The following KCNIP4 variants were observed in gnomAD, a reference collection of about 807,000 sequenced individuals.
KCNIP4 encodes potassium voltage-gated channel interacting protein 4.
KCNIP4 carries 12 observed loss-of-function variants against 34.0 expected under a neutral mutation model. That is an observed-to-expected ratio of 0.35 (90% CI 0.23 to 0.57). The LOEUF (loss-of-function observed/expected upper bound fraction) is 0.57, where lower values mean the gene tolerates loss of function less well. KCNIP4 is among the 20% of genes least tolerant of loss of function. The probability of loss-of-function intolerance (pLI) is 0.83; values close to 1 mark genes in which losing one functional copy is unlikely to be tolerated. For missense variants in KCNIP4, 238 were observed against 311.7 expected (o/e 0.76, Z 1.78); for synonymous variants, 124 against 102.2 (o/e 1.21, Z -1.29).
chr4:21,245,307 C>T (rs28718534), intron 1 of KCNIP4, among the ~76,000 whole-genome samples: 14,149 of 152,158 alleles, frequency 0.093, 2,127 homozygotes, highest in African/African-American at 0.32. Flanking sequence ...CTGCCTTGGC[C>T]GCATCACATT....
At chr4:21,100,733 G>T (rs1197684062) in intron 1 of KCNIP4, among the ~76,000 whole-genome samples, 1 of 152,004 alleles carries the variant, frequency 6.6e-6, no homozygotes, top group Non-Finnish European at 1.5e-5. Flanking sequence ...AAAAATTAAG[G>T]TGTGTACATT....
At chr4:21,018,649 C>T (rs1739763766) in intron 1 of KCNIP4, among the ~76,000 whole-genome samples, 1 of 152,122 alleles carries the variant, frequency 6.6e-6, no homozygotes. Flanking sequence ...AACTTCCCTT[C>T]CCCCTCTCCT....
At chr4:20,936,093 T>A (rs189571624) in intron 1 of KCNIP4, among the ~76,000 whole-genome samples, 1 of 151,712 alleles carries the variant, frequency 6.6e-6, no homozygotes, top group African/African-American at 2.4e-5. Context: ...GTTTTTTTTT[T>A]AACTTACAAA....
At chr4:21,364,730 T>C (rs1183038190) in intron 1 of KCNIP4, among the ~76,000 whole-genome samples, 1 of 152,104 alleles carries the variant, frequency 6.6e-6, no homozygotes, top group Non-Finnish European at 1.5e-5. Context: ...AAATAGATTA[T>C]AAGGACACAC....
At chr4:21,900,361 A>G (rs1234778033) in intron 1 of KCNIP4, among the ~76,000 whole-genome samples, 3 of 152,204 alleles carry the variant, frequency 2.0e-5, no homozygotes, top group Admixed American at 2.0e-4. Context: ...ATGGAAGCCT[A>G]TTGAAAATAA....
At chr4:21,474,619 T>A (rs150156063) in intron 1 of KCNIP4, among the ~76,000 whole-genome samples, 3 of 152,166 alleles carry the variant, frequency 2.0e-5, no homozygotes, top group East Asian at 3.9e-4. Context: ...GCAGAAGCTG[T>A]CCCAGGTCAG....
chr4:21,632,289 C>T (rs766577945), intron 1 of KCNIP4, among the ~76,000 whole-genome samples: 2 of 152,314 alleles, frequency 1.3e-5, no homozygotes, highest in Middle Eastern at 3.4e-3. Flanking sequence ...TCTCAGCTCA[C>T]TGCAACCTCT....
chr4:21,556,935 A>AAAAAAAAAAACAAAAAAAAACAAAAC (rs1553903116), intron 1 of KCNIP4, among the ~76,000 whole-genome samples: 1 of 149,146 alleles, frequency 6.7e-6, no homozygotes, highest in Non-Finnish European at 1.5e-5. Flanking sequence ...AAAAAAAAAA[A>AAAAAAAAAAACAAAAAAAAACAAAAC]AAAAAAAACC....
chr4:21,683,570 G>A (rs1304028652), intron 1 of KCNIP4, among the ~76,000 whole-genome samples: 2 of 137,564 alleles, frequency 1.5e-5, no homozygotes, highest in Admixed American at 8.2e-5. Context: ...CCGGGTTCAC[G>A]CCATTCTCCT....
At chr4:21,062,262 C>T (rs1330295149) in intron 1 of KCNIP4, among the ~76,000 whole-genome samples, 1 of 152,148 alleles carries the variant, frequency 6.6e-6, no homozygotes, top group South Asian at 2.1e-4. Context: ...TTCCATTATA[C>T]AGTGGCTCCT....
chr4:20,947,245 C>T (rs956657673), intron 1 of KCNIP4, among the ~76,000 whole-genome samples: 2 of 152,070 alleles, frequency 1.3e-5, no homozygotes, highest in Admixed American at 1.3e-4. Context: ...CTCGGCTCAC[C>T]ACAACCTCCG....
At chr4:21,101,168 T>C (rs1747908633) in intron 1 of KCNIP4, among the ~76,000 whole-genome samples, 1 of 152,150 alleles carries the variant, frequency 6.6e-6, no homozygotes, top group Admixed American at 6.6e-5. Context: ...TATATGTCCA[T>C]CTGTACGCAT....
intron 1 of KCNIP4, among the ~76,000 whole-genome samples, chr4:21,444,689 G>A (rs1208651191): frequency 6.6e-6 from 1 of 152,156 alleles, no homozygotes; most frequent in African/African-American, 2.4e-5. Context: ...GGCAAAAACT[G>A]GAAGCATTCC....
intron 1 of KCNIP4, among the ~76,000 whole-genome samples, chr4:21,466,370 C>T (rs1420510289): frequency 6.6e-6 from 1 of 152,270 alleles, no homozygotes; most frequent in East Asian, 1.9e-4. Flanking sequence ...TAATCTAGGC[C>T]AGATGGCAAA....
rs193237536 is a variant in KCNIP4 at position 21,372,187 on chromosome 4, A to G, written c.62-489478T>C. 2.6e-3 allele frequency among the ~76,000 whole-genome samples: 379 copies of G among 147,398 alleles called. 73 individuals are homozygous for G. Among genetic ancestry groups the G allele is most frequent in the African/African-American group, 9.9e-3 (365 of 37,044 alleles). On this transcript the variant is annotated intron_variant, in intron 1 of 8. Coordinates refer to ENST00000382152, the MANE Select transcript of KCNIP4 (RefSeq NM_025221.6). ...TACTTCAGGAGTCTTTACATTTTCTAGAAGGCCAAATTATAAATAGAGTCT... is the reference window on the plus strand; with the variant it reads ...TACTTCAGGAGTCTTTACATTTTCTGGAAGGCCAAATTATAAATAGAGTCT...
At chr4:21,739,863 T>C (rs1224910350) in intron 1 of KCNIP4, among the ~76,000 whole-genome samples, 1 of 152,078 alleles carries the variant, frequency 6.6e-6, no homozygotes, top group Admixed American at 6.6e-5. Context: ...ATAAAAATGC[T>C]CAAACAAAAG....
intron 1 of KCNIP4, among the ~76,000 whole-genome samples, chr4:21,237,692 T>A: frequency 6.6e-6 from 1 of 152,130 alleles, no homozygotes; most frequent in Non-Finnish European, 1.5e-5. Flanking sequence ...AAAAGTTGAA[T>A]CTCTGAATAG....
At chr4:20,730,970 G>C (rs1316559200) in intron 8 of KCNIP4, among the ~76,000 whole-genome samples, 2 of 152,284 alleles carry the variant, frequency 1.3e-5, no homozygotes, top group South Asian at 4.1e-4. Context: ...GGAAATCCAA[G>C]TTGAGAGACA....
chr4:21,264,958 G>C (rs910619956), intron 1 of KCNIP4, among the ~76,000 whole-genome samples: 1 of 152,040 alleles, frequency 6.6e-6, no homozygotes, highest in African/African-American at 2.4e-5. Flanking sequence ...ACTTAGCCAG[G>C]CGTGGTGACT....
Sources: allele counts gnomAD v4.1 joint callset (sites outside exome capture counted in the v4.1 genomes callset), GRCh38; gene constraint gnomAD v4.1.1; transcripts MANE v1.5; gene names NCBI Gene and HGNC (gene_info 2026-07-23, HGNC 2026-07-21).